The following ZP2 variants were observed in gnomAD, a reference collection of about 807,000 sequenced individuals.
ZP2 encodes zona pellucida sperm-binding protein 2.
In ZP2, 51 loss-of-function variants were observed where a neutral mutation model predicts 84.0. That is an observed-to-expected ratio of 0.61 (90% CI 0.49 to 0.77). ZP2 has a LOEUF of 0.77. Among genes scored for constraint, ZP2 ranks in the 30% least tolerant of loss-of-function variants. The pLI, the probability that ZP2 is intolerant of heterozygous loss-of-function variation, is 0.00. For synonymous variants in ZP2, 375 were observed against 330.9 expected (o/e 1.13, Z -1.45); for missense variants, 909 against 911.9 (o/e 1.00, Z 0.04).
rs2093211536 is a variant in ZP2 at position 21,198,842 on chromosome 16, C to T, written c.1948G>A (p.Glu650Lys). The change falls in exon 17 of 19, where the codon GAG (glutamate) becomes AAG (lysine). Residue 650 changes from glutamate (E) to lysine (K), a missense_variant. Transcript: ENST00000574091. ...CCTGGGAGGCTGACTGTCATTTTCT[C>T]TGCTTCAGTGGCCCCTGTGGCTGGA... ...HRRATGATEAEKMTVSLPGPI... is the reference protein window; with the variant it reads ...HRRATGATEAKKMTVSLPGPI... The T allele has an allele frequency of 6.2e-7, 1 of 1,614,034 alleles. No individual in the cohort carries two copies. The highest frequency in any genetic ancestry group is 8.5e-7 in the Non-Finnish European group (1 of 1,179,970).
chr16:21,214,014 A>T (rs747121731), upstream of ZP2, among the ~76,000 whole-genome samples: 27 of 151,752 alleles, frequency 1.8e-4, no homozygotes, highest in Non-Finnish European at 1.5e-5. Flanking sequence ...CTCCCTTCCC[A>T]CCGCGCTACT....
chr16:21,199,977 AT>A, intron 14 of ZP2, 99 bp from the exon 15 acceptor site: 1 of 1,471,766 alleles, frequency 6.8e-7, no homozygotes, highest in Non-Finnish European at 9.3e-7. Flanking sequence ...CTTCAGAACT[AT>A]TGCCATATTT....
chr16:21,197,614 C>A lies in ZP2; in HGVS notation c.2104G>T (p.Asp702Tyr). Residue 702 changes from aspartate (D) to tyrosine (Y), a missense_variant, in exon 19 of 19, where the codon GAC becomes TAC. Coordinates refer to ENST00000574091, the MANE Select transcript of ZP2 (RefSeq NM_001376232.1). ...GEEVGSRGAM[D>Y]TKGHKTAGDV... is the part of the protein sequence containing the mutation. ...CCAGCAGTCTTGTGCCCTTTGGTGT[C>A]CATAGCACCTACAAAGGAAGCAGAC... 6.2e-7 allele frequency: 1 copy of A among 1,614,152 alleles called. No homozygotes were observed. The highest frequency in any genetic ancestry group is 8.5e-7 in the Non-Finnish European group (1 of 1,180,024).
chr16:21,205,851 GT>G, intron 5 of ZP2, 76 bp from the exon 6 acceptor site: 1 of 1,501,174 alleles, frequency 6.7e-7, no homozygotes, highest in Non-Finnish European at 9.2e-7. Context: ...AAATTGCTGT[GT>G]GGTTGTCATA....
At chr16:21,202,818 A>C (rs538293621) in intron 10 of ZP2, among the ~76,000 whole-genome samples, 1 of 152,072 alleles carries the variant, frequency 6.6e-6, no homozygotes, top group Non-Finnish European at 1.5e-5. Flanking sequence ...GTGGGGGGGT[A>C]CTTAAACTTA....
rs759927678 is a variant in ZP2 at position 21,205,788 on chromosome 16, A to G, written c.484-13T>C. 3.7e-6 allele frequency: 6 copies of G among 1,613,794 alleles called. No homozygotes were observed. In the South Asian group the frequency reaches 6.6e-5, roughly 18 times the overall value. Reference sequence around the variant, plus strand: ...GTGGCAAGGAAAACTGGAAGAAAAGAATTGTGATGTAAGACTTTGATTTGG... The same window carrying G: ...GTGGCAAGGAAAACTGGAAGAAAAGGATTGTGATGTAAGACTTTGATTTGG... On this transcript the variant is annotated splice_polypyrimidine_tract_variant and intron_variant, in intron 5 of 18. Transcript: ENST00000574091.
chr16:21,200,004 C>T, intron 14 of ZP2, 126 bp from the exon 15 acceptor site: 1 of 1,191,112 alleles, frequency 8.4e-7, no homozygotes, highest in Non-Finnish European at 1.2e-6. Context: ...CTACCAGCAC[C>T]TTTGTTTTAC....
At position 21,198,736 on chromosome 16, in the gene ZP2, A is replaced by G. The variant is rs1183992453; in HGVS notation, c.2011+43T>C. On this transcript the variant is annotated intron_variant, in intron 17 of 18. Coordinates refer to ENST00000574091, the MANE Select transcript of ZP2 (RefSeq NM_001376232.1). The stretch of plus-strand genomic sequence containing the variant: ...CACTGACCGCTTGGCATAAAAAGCT[A>G]AGAACTTGAATCCAGGAAGTACTCC... 7 of 1,573,818 alleles carry G rather than the reference A, an allele frequency of 4.4e-6. No homozygotes were observed. The East Asian group carries it at 1.1e-4, about 25-fold the overall frequency.
chr16:21,206,475 G>A (rs181554743), intron 5 of ZP2, among the ~76,000 whole-genome samples: 11 of 152,262 alleles, frequency 7.2e-5, no homozygotes, highest in East Asian at 3.9e-4. Context: ...TGACTGGGTC[G>A]TTTTGTTCAC....
intron 14 of ZP2, among the ~76,000 whole-genome samples, chr16:21,200,250 C>T (rs2093219111): frequency 6.6e-6 from 1 of 152,112 alleles, no homozygotes; most frequent in Non-Finnish European, 1.5e-5. Flanking sequence ...CCAGCCTGGC[C>T]AACATGGTGA....
chr16:21,205,646 A>T, intron 6 of ZP2, 62 bp from the exon 7 acceptor site: 1 of 1,612,086 alleles, frequency 6.2e-7, no homozygotes, highest in Non-Finnish European at 8.5e-7. Context: ...CTGGTAGTCT[A>T]ACAATTTATC....
At chr16:21,205,923 A>G in intron 5 of ZP2, 148 bp from the exon 6 acceptor site, 1 of 730,054 alleles carries the variant, frequency 1.4e-6, no homozygotes, top group Admixed American at 2.2e-5. Flanking sequence ...GTGCCCTTAG[A>G]TGTCATTATA....
At position 21,197,613 on chromosome 16, in the gene ZP2, T is replaced by C. The variant is rs1187547253; in HGVS notation, c.2105A>G (p.Asp702Gly). 1.2e-6 allele frequency: 2 copies of C among 1,614,020 alleles called. No individual in the cohort carries two copies. The highest frequency in any genetic ancestry group is 1.7e-5 in the Admixed American group (1 of 59,986). Reference sequence around the variant, plus strand: ...TCCAGCAGTCTTGTGCCCTTTGGTGTCCATAGCACCTACAAAGGAAGCAGA... The same window carrying C: ...TCCAGCAGTCTTGTGCCCTTTGGTGCCCATAGCACCTACAAAGGAAGCAGA... Reference protein sequence around the residue: ...GEEVGSRGAMDTKGHKTAGDV... With the variant: ...GEEVGSRGAMGTKGHKTAGDV... Residue 702 changes from aspartate to glycine, a missense_variant, in exon 19 of 19, where the codon GAC becomes GGC. Coordinates refer to ENST00000574091, the MANE Select transcript of ZP2 (RefSeq NM_001376232.1).
At chr16:21,205,901 T>C (rs999305635) in intron 5 of ZP2, 126 bp from the exon 6 acceptor site, 3 of 872,982 alleles carry the variant, frequency 3.4e-6, no homozygotes, top group Non-Finnish European at 5.7e-6. Context: ...AAGAAGCACA[T>C]GAACCCTGAC....
rs2093265813 is a variant in ZP2 at position 21,209,700 on chromosome 16, G to A, written c.261C>T (p.Asn87=). ...TTTCTGGGTCCAGGATGTAAGTGCA[G>A]TTCGGCATGTCGAGACCAAGAGGAT... The part of the protein sequence containing the change: ...VVDPLGLDMP[N]CTYILDPEKL... The change falls in exon 4 of 19, where the codon AAC becomes AAT. Residue 87 remains asparagine, a synonymous_variant. Transcript: ENST00000574091. The A allele has an allele frequency of 1.2e-6, 2 of 1,614,060 alleles. No homozygotes were observed. Among genetic ancestry groups the A allele is most frequent in the African/African-American group, 2.7e-5 (2 of 74,920 alleles).
upstream of ZP2, among the ~76,000 whole-genome samples, chr16:21,212,267 G>T (rs1016193729): frequency 7.2e-5 from 11 of 152,138 alleles, no homozygotes; most frequent in African/African-American, 2.4e-4. Context: ...GGCTACTGCA[G>T]AAGTTACCCT....
chr16:21,210,813 G>T (rs7187567), intron 2 of ZP2, among the ~76,000 whole-genome samples: 22,416 of 151,710 alleles, frequency 0.15, 1,790 homozygotes, highest in African/African-American at 0.19. Context: ...GAGCTCAGGT[G>T]ATCTGCCCGC....
At chr16:21,209,255 T>C (rs2152856481) in intron 4 of ZP2, among the ~76,000 whole-genome samples, 1 of 152,222 alleles carries the variant, frequency 6.6e-6, no homozygotes, top group East Asian at 1.9e-4. Context: ...CAAACCTCTG[T>C]CCCCTGGGTT....
At chr16:21,198,685 C>T (rs7189430) in intron 17 of ZP2, 94 bp downstream of exon 17, 616,257 of 1,016,964 alleles carry the variant, frequency 0.61, 190,201 homozygotes, top group East Asian at 0.88. Flanking sequence ...TGTTTAGACT[C>T]ACCACGGGTA....
Sources: gnomAD v4.1 joint callset for allele counts (sites outside exome capture counted in the v4.1 genomes callset) on GRCh38, gnomAD v4.1.1 for gene constraint, MANE v1.5 for transcripts, NCBI Gene and HGNC (gene_info 2026-07-23, HGNC 2026-07-21) for gene names.